CELF2: variants seen among roughly 807,000 people sequenced by gnomAD.
The protein encoded by CELF2 is CUGBP Elav-like family member 2.
Under a neutral mutation model 62.6 loss-of-function variants are expected in CELF2, and 8 were observed. That is an observed-to-expected ratio of 0.13 (90% CI 0.07 to 0.23). The LOEUF is 0.23. Ranked by LOEUF, CELF2 falls within the 10% of genes least tolerant of loss-of-function variation. CELF2 has a pLI of 1.00. For synonymous variants in CELF2, 258 were observed against 250.0 expected (o/e 1.03, Z -0.30); for missense variants, 333 against 671.0 (o/e 0.50, Z 5.56).
the CELF2 span, among the ~76,000 whole-genome samples, chr10:10,756,429 T>C: frequency 5.4e-3 from 818 of 152,308 alleles, 3 homozygotes; most frequent in Non-Finnish European, 8.9e-3. Context: ...AATAAAACAC[T>C]CTCATGGTTT....
At chr10:10,703,573 T>A in the CELF2 span, among the ~76,000 whole-genome samples, 23 of 152,308 alleles carry the variant, frequency 1.5e-4, no homozygotes, top group African/African-American at 5.3e-4. Context: ...CAATCATCAA[T>A]TAAAGCAGAA....
At position 11,208,709 on chromosome 10, in the gene CELF2, G is replaced by A. The variant is rs550305371; in HGVS notation, c.272-8716G>A. On this transcript the variant is annotated intron_variant, in intron 2 of 12. Transcript: ENST00000633077. Reference sequence around the variant, plus strand: ...GCAGTATTTTTAAGTTTTATGGCTGGCTTTGGGGAAACGGGGTTCTGGTTT... The same window carrying A: ...GCAGTATTTTTAAGTTTTATGGCTGACTTTGGGGAAACGGGGTTCTGGTTT... 2.6e-5 allele frequency among the ~76,000 whole-genome samples: 4 copies of A among 152,312 alleles called. No homozygotes were observed. In the South Asian group the frequency reaches 8.3e-4, roughly 32 times the overall value.
chr10:11,276,606 C>G (rs1331229407), intron 8 of CELF2, among the ~76,000 whole-genome samples: 2 of 152,196 alleles, frequency 1.3e-5, no homozygotes, highest in Admixed American at 6.5e-5. Flanking sequence ...ACACTTTCAG[C>G]CCACGGGAGA....
At position 11,122,011 on chromosome 10, in the gene CELF2, A is replaced by G. The variant is rs577511986; in HGVS notation, c.75-43475A>G. Reference sequence around the variant, plus strand: ...CAGCATGATGGCAGATTATGAGTTCATCTTAAAGAATCTGGAACGCTCCAC... The same window carrying G: ...CAGCATGATGGCAGATTATGAGTTCGTCTTAAAGAATCTGGAACGCTCCAC... On this transcript the variant is annotated intron_variant, in intron 1 of 12. Coordinates refer to ENST00000633077, the MANE Select transcript of CELF2 (RefSeq NM_001326342.2). Among the ~76,000 whole-genome samples the G allele has an allele frequency of 2.0e-5, 3 of 152,350 alleles. No individual in the cohort carries two copies. The East Asian group carries it at 5.8e-4, about 29-fold the overall frequency.
At chr10:10,955,056 T>C (rs1333474057) in intron 2 of CELF2, among the ~76,000 whole-genome samples, 1 of 152,246 alleles carries the variant, frequency 6.6e-6, no homozygotes, top group Non-Finnish European at 1.5e-5. Flanking sequence ...AGGTTAAATG[T>C]GTATTTTTTA....
chr10:10,762,732 C>T, the CELF2 span, among the ~76,000 whole-genome samples: 1 of 151,980 alleles, frequency 6.6e-6, no homozygotes, highest in Admixed American at 6.6e-5. Context: ...CAGAAGGATA[C>T]AGCAAAGAAA....
intron 1 of CELF2, among the ~76,000 whole-genome samples, chr10:10,914,895 G>A (rs11256905): frequency 0.073 from 11,149 of 152,048 alleles, 970 homozygotes; most frequent in African/African-American, 0.21. Flanking sequence ...TTGGGAGGCC[G>A]AGGCGGGTGG....
At chr10:10,509,373 A>G in the CELF2 span, among the ~76,000 whole-genome samples, 7 of 152,280 alleles carry the variant, frequency 4.6e-5, no homozygotes, top group African/African-American at 1.7e-4. Flanking sequence ...TTAGGAGGTG[A>G]CAGGGTCATA....
the CELF2 span, among the ~76,000 whole-genome samples, chr10:10,728,130 ATAAG>A: frequency 6.6e-6 from 1 of 150,748 alleles, no homozygotes; most frequent in African/African-American, 2.4e-5. Context: ...TTTTTTTCTG[ATAAG>A]TATGGAGTAG....
chr10:11,225,680 A>C (rs1327702968), intron 3 of CELF2, among the ~76,000 whole-genome samples: 2 of 152,184 alleles, frequency 1.3e-5, no homozygotes, highest in Non-Finnish European at 2.9e-5. Flanking sequence ...GATGGACTCG[A>C]ACGAGTCAGT....
the CELF2 span, among the ~76,000 whole-genome samples, chr10:10,673,611 T>C: frequency 0.8 from 121,607 of 151,932 alleles, 48,669 homozygotes; most frequent in South Asian, 0.87. Flanking sequence ...TCTTAGTTTC[T>C]TACAGTAGAA....
chr10:10,760,699 A>G, the CELF2 span, among the ~76,000 whole-genome samples: 1 of 152,204 alleles, frequency 6.6e-6, no homozygotes, highest in African/African-American at 2.4e-5. Context: ...GCTGAAGCCT[A>G]GAGGCTGAGT....
chr10:10,542,653 G>A, the CELF2 span, among the ~76,000 whole-genome samples: 1 of 152,228 alleles, frequency 6.6e-6, no homozygotes, highest in African/African-American at 2.4e-5. Context: ...ACTATATTTG[G>A]CTTTCACTCC....
At chr10:10,681,266 T>C in the CELF2 span, among the ~76,000 whole-genome samples, 1 of 152,196 alleles carries the variant, frequency 6.6e-6, no homozygotes, top group East Asian at 1.9e-4. Context: ...CAGTTCTTTT[T>C]ATTTTAATGG....
At chr10:11,082,262 A>T (rs1196745650) in intron 1 of CELF2, among the ~76,000 whole-genome samples, 1 of 152,244 alleles carries the variant, frequency 6.6e-6, no homozygotes, top group Non-Finnish European at 1.5e-5. Context: ...TCCTTCCAAC[A>T]GAGGATCCTA....
the CELF2 span, among the ~76,000 whole-genome samples, chr10:10,581,463 A>G: frequency 6.6e-6 from 1 of 152,144 alleles, no homozygotes; most frequent in Non-Finnish European, 1.5e-5. Context: ...GATGAGGAGA[A>G]CGCTCTGGCA....
At chr10:11,097,315 C>T (rs1294486991) in intron 1 of CELF2, 3 of 152,144 alleles carry the variant, frequency 2.0e-5, no homozygotes, top group Non-Finnish European at 4.4e-5. Flanking sequence ...CTTTCCTTTG[C>T]GTAGTTATTC....
the CELF2 span, among the ~76,000 whole-genome samples, chr10:10,570,475 A>T: frequency 1.3e-4 from 20 of 152,316 alleles, no homozygotes; most frequent in African/African-American, 4.6e-4. Flanking sequence ...AATGTTTAGG[A>T]TGTTCAAAGA....
chr10:11,144,821 G>A (rs940768045), intron 1 of CELF2, among the ~76,000 whole-genome samples: 1 of 149,444 alleles, frequency 6.7e-6, no homozygotes, highest in African/African-American at 2.5e-5. Flanking sequence ...GAGCTCAGGA[G>A]GTTGAGGCTG....
Sources: allele counts gnomAD v4.1 joint callset (sites outside exome capture counted in the v4.1 genomes callset), GRCh38; gene constraint gnomAD v4.1.1; transcripts MANE v1.5; gene names NCBI Gene and HGNC (gene_info 2026-07-23, HGNC 2026-07-21).